The following IFT81 variants were observed in gnomAD, a reference collection of about 807,000 sequenced individuals.
IFT81 encodes intraflagellar transport 81.
Under a neutral mutation model 102.6 loss-of-function variants are expected in IFT81, and 72 were observed. The ratio of observed to expected loss-of-function variants is 0.70; its 90% CI spans 0.58 to 0.85. IFT81 has a LOEUF of 0.85. IFT81 is among the 40% of genes least tolerant of loss of function. IFT81 has a pLI of 0.00. For synonymous variants in IFT81, 237 were observed against 242.7 expected (o/e 0.98, Z 0.22); for missense variants, 723 against 787.3 (o/e 0.92, Z 0.98).
chr12:110,137,459 C>T (rs1207461446), intron 8 of IFT81, among the ~76,000 whole-genome samples: 1 of 151,786 alleles, frequency 6.6e-6, no homozygotes, highest in Non-Finnish European at 1.5e-5. Context: ...CATGGCTGGG[C>T]GTGGTAGCTC....
chr12:110,141,645 C>A (rs1006472418), intron 8 of IFT81, among the ~76,000 whole-genome samples: 2 of 152,034 alleles, frequency 1.3e-5, no homozygotes, highest in Non-Finnish European at 2.9e-5. Flanking sequence ...TTTGGGAGGC[C>A]CAGGCAGGCG....
At chr12:110,197,172 G>C (rs74320184) in intron 14 of IFT81, among the ~76,000 whole-genome samples, 2,608 of 152,200 alleles carry the variant, frequency 0.017, 87 homozygotes, top group African/African-American at 0.06. Flanking sequence ...CATCCAGCCT[G>C]GGTGAAAGAG....
At chr12:110,172,899 G>A (rs1438577103) in intron 11 of IFT81, among the ~76,000 whole-genome samples, 1 of 152,274 alleles carries the variant, frequency 6.6e-6, no homozygotes, top group Non-Finnish European at 1.5e-5. Context: ...TCTGGAAAGT[G>A]AGGAGCGTCT....
chr12:110,210,729 T>C (rs1179404312), intron 18 of IFT81, among the ~76,000 whole-genome samples: 2 of 149,368 alleles, frequency 1.3e-5, no homozygotes, highest in Non-Finnish European at 3.0e-5. Flanking sequence ...GGTGACAGAG[T>C]GAAAAAAAAA....
chr12:110,169,098 T>G (rs1375597790), intron 11 of IFT81: 1 of 151,258 alleles, frequency 6.6e-6, no homozygotes, highest in African/African-American at 2.4e-5. Context: ...TCTCTCTTTC[T>G]TTCTTTCTTC....
At position 110,208,358 on chromosome 12, in the gene IFT81, T is replaced by A. The variant is rs1048782835; in HGVS notation, c.1803-813T>A. The stretch of plus-strand genomic sequence containing the variant: ...TGTCTACCAAAAAAATACAAAAAAA[T>A]TAGCCCAATATGGCGACACATGTCT... On this transcript the variant is annotated intron_variant, in intron 17 of 18. Coordinates refer to ENST00000242591, the MANE Select transcript of IFT81 (RefSeq NM_014055.4). Among the ~76,000 whole-genome samples the A allele has an allele frequency of 4.6e-5, 7 of 151,824 alleles. No individual in the cohort carries two copies. The East Asian group carries it at 1.2e-3, about 25-fold the overall frequency.
chr12:110,178,116 G>C (rs1191642276), intron 11 of IFT81, among the ~76,000 whole-genome samples: 2 of 142,742 alleles, frequency 1.4e-5, no homozygotes, highest in Non-Finnish European at 3.0e-5. Flanking sequence ...AAATTGGAAG[G>C]AAAAATATCA....
intron 14 of IFT81, among the ~76,000 whole-genome samples, chr12:110,199,009 A>G (rs377006986): frequency 5.9e-5 from 9 of 152,022 alleles, no homozygotes; most frequent in Middle Eastern, 3.4e-3. Flanking sequence ...GGTTTTCACC[A>G]TGTTGGCCAG....
chr12:110,132,349 A>C (rs1442575787), intron 4 of IFT81, among the ~76,000 whole-genome samples, 198 bp from the exon 5 acceptor site: 1 of 151,838 alleles, frequency 6.6e-6, no homozygotes, highest in African/African-American at 2.4e-5. Context: ...AATCCCAGGT[A>C]CTCAGGAGGC....
intron 11 of IFT81, among the ~76,000 whole-genome samples, chr12:110,179,763 T>TACACAC (rs1367096807): frequency 2.9e-5 from 2 of 68,954 alleles, no homozygotes; most frequent in African/African-American, 6.4e-5. Flanking sequence ...TATATATATA[T>TACACAC]ATATATATAT....
At chr12:110,150,372 C>T (rs1213214455) in intron 10 of IFT81, among the ~76,000 whole-genome samples, 4 of 152,216 alleles carry the variant, frequency 2.6e-5, no homozygotes, top group East Asian at 3.9e-4. Flanking sequence ...CCACCGCACC[C>T]GGCCATGTTT....
chr12:110,133,097 A>G (rs542986052), intron 5 of IFT81, among the ~76,000 whole-genome samples: 27 of 150,972 alleles, frequency 1.8e-4, no homozygotes, highest in Admixed American at 1.5e-3. Flanking sequence ...GAGCCTCCTG[A>G]GTAGCTGGGA....
In IFT81 at chr12:110,132,578, T is replaced by A. The variant is rs748848392; in HGVS notation, c.461T>A (p.Leu154Ter). 6.4e-7 allele frequency: 1 copy of A among 1,573,956 alleles called. No homozygotes were observed. The highest frequency in any genetic ancestry group is 8.7e-7 in the Non-Finnish European group (1 of 1,149,452). The change falls in exon 5 of 19, where the codon TTG becomes TAG. Residue 154 changes from leucine to a stop codon, truncating the protein, a stop_gained. Transcript: ENST00000242591. LOFTEE classifies it high-confidence loss of function. ...YEELMEAFKT[L>*]HKEYEQLKIS... ...GAGTTAATGGAAGCCTTTAAAACTT[T>A]GCATAAAGAATATGAGCAGCTCAAG...
chr12:110,202,269 T>G lies in IFT81; in HGVS notation c.1558-1595T>G, dbSNP rs115361954. On this transcript the variant is annotated intron_variant, in intron 14 of 18. Transcript: ENST00000242591. ...TATGTGGTCCGTTGTGACTGAAACA[T>G]CATCCCATGCATGACTGTACTTTTA... 3.6e-3 allele frequency among the ~76,000 whole-genome samples: 554 copies of G among 152,314 alleles called. 4 individuals carry two copies. Among genetic ancestry groups the G allele is most frequent in the African/African-American group, 0.013 (520 of 41,576 alleles).
At chr12:110,165,611 T>C (rs1015284256) in intron 11 of IFT81, among the ~76,000 whole-genome samples, 4 of 152,222 alleles carry the variant, frequency 2.6e-5, no homozygotes, top group East Asian at 1.9e-4. Flanking sequence ...CTGTTCCAGG[T>C]ACTTTGCAAA....
intron 18 of IFT81, among the ~76,000 whole-genome samples, chr12:110,213,523 A>C (rs1869728783): frequency 6.6e-6 from 1 of 152,190 alleles, no homozygotes; most frequent in Non-Finnish European, 1.5e-5. Context: ...AGCCATTGAT[A>C]ATCATTTCCT....
chr12:110,158,702 G>T (rs1338037582), intron 10 of IFT81, among the ~76,000 whole-genome samples: 3 of 151,916 alleles, frequency 2.0e-5, no homozygotes, highest in Non-Finnish European at 4.4e-5. Context: ...CCATTCTCCT[G>T]CCTCAGCCTC....
At chr12:110,172,792 C>T (rs886965004) in intron 11 of IFT81, among the ~76,000 whole-genome samples, 1 of 152,208 alleles carries the variant, frequency 6.6e-6, no homozygotes, top group African/African-American at 2.4e-5. Flanking sequence ...AGAGTGCAGC[C>T]TCTGCCCGGC....
intron 14 of IFT81, among the ~76,000 whole-genome samples, chr12:110,203,162 A>G (rs539026836): frequency 6.6e-6 from 1 of 152,270 alleles, no homozygotes; most frequent in East Asian, 1.9e-4. Flanking sequence ...GCTGCTTTGG[A>G]GTCTGAGGCA....
Sources: gnomAD v4.1 joint callset for allele counts (sites outside exome capture counted in the v4.1 genomes callset) on GRCh38, gnomAD v4.1.1 for gene constraint, MANE v1.5 for transcripts, NCBI Gene and HGNC (gene_info 2026-07-23, HGNC 2026-07-21) for gene names.